The following SLC38A6 variants were observed in gnomAD, a reference collection of about 807,000 sequenced individuals.
The protein encoded by SLC38A6 is N system amino acid transporter NAT-1.
SLC38A6 carries 73 observed loss-of-function variants against 65.0 expected under a neutral mutation model. The ratio of observed to expected loss-of-function variants is 1.12; its 90% CI spans 0.93 to 1.37. The LOEUF is 1.37. SLC38A6 is among the 40% of genes most tolerant of loss of function. The pLI, the probability that SLC38A6 is intolerant of heterozygous loss-of-function variation, is 0.00. For synonymous variants in SLC38A6, 183 were observed against 178.8 expected (o/e 1.02, Z -0.19); for missense variants, 561 against 531.1 (o/e 1.06, Z -0.55).
chr14:60,997,009 G>C (rs2038343710), intron 3 of SLC38A6, among the ~76,000 whole-genome samples: 1 of 152,184 alleles, frequency 6.6e-6, no homozygotes, highest in Non-Finnish European at 1.5e-5. Context: ...ACCAAAGTTA[G>C]AGAGTAACAA....
chr14:61,067,239 G>A (rs1245670371), intron 15 of SLC38A6, among the ~76,000 whole-genome samples: 2 of 151,984 alleles, frequency 1.3e-5, no homozygotes, highest in Non-Finnish European at 2.9e-5. Flanking sequence ...TATTTGACTG[G>A]GTTTTCTCTC....
At chr14:61,072,936 T>C (rs1421858701) in intron 15 of SLC38A6, among the ~76,000 whole-genome samples, 3 of 152,164 alleles carry the variant, frequency 2.0e-5, no homozygotes, top group Non-Finnish European at 4.4e-5. Context: ...CTATTTTTAG[T>C]TTTTTGAGGA....
At chr14:61,006,913 G>A (rs1231350114) in intron 3 of SLC38A6, among the ~76,000 whole-genome samples, 5 of 152,148 alleles carry the variant, frequency 3.3e-5, no homozygotes, top group Non-Finnish European at 7.3e-5. Flanking sequence ...GCAAAGACTT[G>A]GAACCAAGCC....
chr14:61,077,377 C>T lies in SLC38A6; in HGVS notation c.1291-1433C>T, dbSNP rs7149933. 7.7e-3 allele frequency among the ~76,000 whole-genome samples: 1,171 copies of T among 152,172 alleles called. 16 individuals carry two copies. Among genetic ancestry groups the T allele is most frequent in the African/African-American group, 0.027 (1,102 of 41,524 alleles). The stretch of plus-strand genomic sequence containing the variant: ...CTTGATTACAAAATTCGTTGATGAC[C>T]TAGTTGACTCTTTCCCCAGTCATTA... On this transcript the variant is annotated intron_variant, in intron 15 of 16. Coordinates refer to the SLC38A6 transcript ENST00000354886.
intron 15 of SLC38A6, chr14:61,073,882 C>G (rs2043311751): frequency 6.6e-6 from 1 of 151,830 alleles, no homozygotes; most frequent in Non-Finnish European, 1.5e-5. Flanking sequence ...TCTTCTCAGC[C>G]TCCTCAACAT....
At chr14:61,014,329 A>G (rs943345627) in intron 3 of SLC38A6, among the ~76,000 whole-genome samples, 18 of 151,844 alleles carry the variant, frequency 1.2e-4, no homozygotes, top group Non-Finnish European at 2.1e-4. Flanking sequence ...ATGGGTTCGA[A>G]CTTCCTCCTT....
intron 16 of SLC38A6, chr14:61,083,508 G>C: frequency 6.6e-7 from 1 of 1,524,560 alleles, no homozygotes; most frequent in Non-Finnish European, 8.8e-7. Context: ...ATTAAAATGA[G>C]GCCATTAAGC....
chr14:61,083,516 A>G (rs1432016754), intron 16 of SLC38A6: 1 of 1,536,886 alleles, frequency 6.5e-7, no homozygotes, highest in East Asian at 2.5e-5. Context: ...GAGGCCATTA[A>G]GCCCTAATTC....
At chr14:61,019,208 C>T (rs2040201079) in intron 4 of SLC38A6, among the ~76,000 whole-genome samples, 1 of 152,074 alleles carries the variant, frequency 6.6e-6, no homozygotes, top group Non-Finnish European at 1.5e-5. Context: ...ATAAAACCAG[C>T]AAGAAGGGAA....
At chr14:61,077,913 A>G (rs555281764) in intron 15 of SLC38A6, among the ~76,000 whole-genome samples, 28 of 152,374 alleles carry the variant, frequency 1.8e-4, no homozygotes, top group African/African-American at 6.5e-4. Flanking sequence ...GTAGCAATCT[A>G]GAACTTTATT....
At chr14:61,066,268 G>A (rs1300193205) in intron 15 of SLC38A6, among the ~76,000 whole-genome samples, 2 of 152,140 alleles carry the variant, frequency 1.3e-5, no homozygotes, top group Non-Finnish European at 2.9e-5. Flanking sequence ...AGATATTGTG[G>A]ACATGGTTTC....
In SLC38A6 at chr14:61,039,715, A is replaced by G. The variant is rs554528832; in HGVS notation, c.624+2032A>G. Among the ~76,000 whole-genome samples, 19 of 152,176 alleles carry G rather than the reference A, an allele frequency of 1.2e-4. 1 individual carries two copies. In the South Asian group the frequency reaches 3.1e-3, roughly 25 times the overall value. ...CTCTGAATGTTATCTTTTAAAATAC[A>G]TAGTGGTTAGGAAAAGGAAACGTAT... On this transcript the variant is annotated intron_variant, in intron 8 of 15. Coordinates refer to ENST00000267488, the MANE Select transcript of SLC38A6 (RefSeq NM_153811.3).
chr14:61,027,888 AAT>A (rs1173078155), intron 5 of SLC38A6, among the ~76,000 whole-genome samples: 1 of 151,960 alleles, frequency 6.6e-6, no homozygotes, highest in Non-Finnish European at 1.5e-5. Flanking sequence ...ATACTCTTAA[AAT>A]ATATACTAAC....
intron 7 of SLC38A6, 97 bp from the exon 8 acceptor site, chr14:61,037,528 C>G: frequency 1.3e-6 from 1 of 795,114 alleles, no homozygotes; most frequent in Admixed American, 2.8e-5. Context: ...AGATACCAAC[C>G]ACTATAATAG....
At chr14:61,050,905 C>G (rs950560571) in intron 13 of SLC38A6, among the ~76,000 whole-genome samples, 1 of 152,084 alleles carries the variant, frequency 6.6e-6, no homozygotes, top group Non-Finnish European at 1.5e-5. Context: ...AACTATAGTT[C>G]TTCTAAAGTT....
At chr14:61,078,087 G>A (rs1479265866) in intron 15 of SLC38A6, among the ~76,000 whole-genome samples, 1 of 152,206 alleles carries the variant, frequency 6.6e-6, no homozygotes, top group East Asian at 1.9e-4. Flanking sequence ...ACCTGGGACG[G>A]TAATACCCTG....
At chr14:61,030,560 A>C in intron 6 of SLC38A6, 37 bp downstream of exon 6, 1 of 1,379,606 alleles carries the variant, frequency 7.2e-7, no homozygotes, top group Non-Finnish European at 1.0e-6. Context: ...CCGTTCATGT[A>C]TTAATTTGAT....
intron 3 of SLC38A6, among the ~76,000 whole-genome samples, chr14:61,014,218 G>A (rs186936375): frequency 1.3e-4 from 20 of 152,236 alleles, no homozygotes; most frequent in Admixed American, 2.0e-4. Context: ...TTCTCGTGCC[G>A]TGGTTTTCAG....
chr14:61,036,964 G>GTGTGTGTA lies in SLC38A6; in HGVS notation c.483-88_483-87insATGTGTGT, dbSNP rs1320265516. The GTGTGTGTA allele has an allele frequency of 1.4e-3, 732 of 520,150 alleles. 9 individuals carry two copies. The African/African-American group carries it at 0.017, about 12-fold the overall frequency. 32.2% of individuals were successfully genotyped at this position (520,150 alleles called of 1,614,324 possible). A position where few individuals can be genotyped will look rare whatever the true frequency, so the allele number is the denominator to read the frequency against. On this transcript the variant is annotated intron_variant, in intron 6 of 15. Transcript: ENST00000267488. Reference sequence around the variant, plus strand: ...CTGGTTGTAATGGTTATAACTCTGTGTGTGTGTGTGTGTGTGTGTGTGTGT... The same window carrying GTGTGTGTA: ...CTGGTTGTAATGGTTATAACTCTGTGTGTGTGTATGTGTGTGTGTGTGTGTGTGTGTGT...
Sources: gnomAD v4.1 joint callset for allele counts (sites outside exome capture counted in the v4.1 genomes callset) on GRCh38, gnomAD v4.1.1 for gene constraint, MANE v1.5 for transcripts, NCBI Gene and HGNC (gene_info 2026-07-23, HGNC 2026-07-21) for gene names.